The following HADHA variants were observed in gnomAD, a reference collection of about 807,000 sequenced individuals.
The protein encoded by HADHA is hydroxyacyl-CoA dehydrogenase trifunctional multienzyme complex subunit alpha, also known as trifunctional enzyme subunit alpha, mitochondrial.
Under a neutral mutation model 91.3 loss-of-function variants are expected in HADHA, and 59 were observed. The observed-to-expected ratio is 0.65, with a 90% CI of 0.52 to 0.80. The LOEUF (loss-of-function observed/expected upper bound fraction) is 0.80. HADHA is among the 30% of genes least tolerant of loss of function. HADHA has a pLI of 0.00. For missense variants in HADHA, 800 were observed against 927.6 expected, an observed-to-expected ratio of 0.86 and a Z score of 1.79; for synonymous variants, 320 against 338.9, an observed-to-expected ratio of 0.94 and a Z score of 0.61.
chr2:26,233,976 G>T (rs1004047126), intron 5 of HADHA, among the ~76,000 whole-genome samples: 1 of 152,204 alleles, frequency 6.6e-6, no homozygotes, highest in Admixed American at 6.5e-5. Context: ...AGCTACTGGG[G>T]AGGCTGAAGC....
chr2:26,207,822 G>A (rs988690431), intron 11 of HADHA, among the ~76,000 whole-genome samples: 6 of 152,030 alleles, frequency 3.9e-5, no homozygotes, highest in African/African-American at 9.7e-5. Flanking sequence ...GATGGAATGC[G>A]TTATTCATAT....
At chr2:26,194,440 A>T in intron 16 of HADHA, 130 bp downstream of exon 16, 2 of 733,212 alleles carry the variant, frequency 2.7e-6, no homozygotes, top group Non-Finnish European at 5.0e-6. Flanking sequence ...AGAGGGCACC[A>T]GGGACCTTCC....
chr2:26,231,260 C>T (rs988081381), intron 6 of HADHA, among the ~76,000 whole-genome samples: 5 of 152,164 alleles, frequency 3.3e-5, no homozygotes, highest in African/African-American at 9.7e-5. Flanking sequence ...CTTTTGTGCT[C>T]AATTGAGATC....
At position 26,230,185 on chromosome 2, in the gene HADHA, CACTT is replaced by C; in HGVS notation, c.676+3_676+6del. 3 of 1,544,832 alleles carry C rather than the reference CACTT, an allele frequency of 1.9e-6. No homozygotes were observed. The highest frequency in any genetic ancestry group is 2.7e-6 in the Non-Finnish European group (3 of 1,116,944). ...AAGGTCTGACTCTGAGATGTGCTAA[CACTT>C]ACCCAGGGGTTCCACCAGTTGGTCA... On this transcript the variant is annotated splice_donor_5th_base_variant and intron_variant, in intron 7 of 19. Transcript: ENST00000380649.
chr2:26,190,882 T>G lies in HADHA; in HGVS notation c.*368A>C. Reference sequence around the variant, plus strand: ...GAAGGGCAAAGATGCTGACACAGAGTTTGGTTTTTATTGTTATGTGTTTGG... The same window carrying G: ...GAAGGGCAAAGATGCTGACACAGAGGTTGGTTTTTATTGTTATGTGTTTGG... On this transcript the variant is annotated 3_prime_UTR_variant, in exon 20 of 20. Transcript: ENST00000380649. The G allele has an allele frequency of 3.0e-6, 1 of 336,468 alleles. No homozygotes were observed. The highest frequency in any genetic ancestry group is 2.1e-5 in the African/African-American group (1 of 47,602). The allele number at this position is 336,468 out of a possible 1,614,324, so 20.8% of individuals were successfully genotyped here.
intron 13 of HADHA, 150 bp from the exon 14 acceptor site, chr2:26,197,927 G>T (rs1669723399): frequency 2.8e-6 from 2 of 704,666 alleles, no homozygotes; most frequent in Admixed American, 2.0e-5. Flanking sequence ...GACATTGACG[G>T]ATCACCTAGG....
rs549622054 is a variant in HADHA at position 26,224,295 on chromosome 2, G to C, written c.676+5897C>G. Among the ~76,000 whole-genome samples the C allele has an allele frequency of 3.2e-4, 49 of 152,280 alleles. 2 individuals carry two copies. The South Asian group carries it at 5.6e-3, about 17-fold the overall frequency. ...AAACTATCAAAGTAAGTGAATAAAG[G>C]CTCCACTGTTACTTTCCTTTTGGGT... On this transcript the variant is annotated intron_variant, in intron 7 of 19. Transcript: ENST00000380649.
chr2:26,233,030 A>G (rs898461058), intron 5 of HADHA, among the ~76,000 whole-genome samples: 7 of 152,174 alleles, frequency 4.6e-5, no homozygotes, highest in Non-Finnish European at 1.5e-5. Flanking sequence ...CAGGCAATAG[A>G]GGCCAATGGA....
chr2:26,243,843 T>A (rs1670988388), intron 1 of HADHA, among the ~76,000 whole-genome samples: 1 of 152,206 alleles, frequency 6.6e-6, no homozygotes, highest in South Asian at 2.1e-4. Context: ...CTGGGAATCA[T>A]CAGATTACAA....
Position 26,232,218 on chromosome 2 carries a change from G to A in HADHA, c.515C>T (p.Pro172Leu). Residue 172 changes from proline to leucine, a missense_variant, in exon 6 of 20, where the codon CCT becomes CTT. Pro to Leu is a moderately conservative substitution (Grantham distance 98, BLOSUM62 -3). Transcript: ENST00000380649. ...TGGTAAGGCCCCCAGCAAAACTTCA[G>A]GGGTACCTAATACTGTTTTTCTGTC... ...TKDRKTVLGT[P>L]EVLLGALPGA... The A allele has an allele frequency of 6.2e-7, 1 of 1,606,324 alleles. No homozygotes were observed. Among genetic ancestry groups the A allele is most frequent in the Non-Finnish European group, 8.5e-7 (1 of 1,172,936 alleles).
intron 6 of HADHA, 49 bp from the exon 7 acceptor site, chr2:26,230,343 A>C (rs748678666): frequency 9.6e-7 from 1 of 1,040,640 alleles, no homozygotes; most frequent in South Asian, 1.3e-5. Flanking sequence ...AATCAGGGTG[A>C]TAATTATATA....
At chr2:26,212,506 C>T (rs2147768473) in intron 10 of HADHA, 64 bp downstream of exon 10, 3 of 1,127,862 alleles carry the variant, frequency 2.7e-6, no homozygotes, top group East Asian at 2.3e-5. Context: ...CAGCTTTATA[C>T]AGAGGATTGG....
intron 1 of HADHA, among the ~76,000 whole-genome samples, chr2:26,239,985 T>C (rs1670853166): frequency 6.6e-6 from 1 of 152,192 alleles, no homozygotes; most frequent in Non-Finnish European, 1.5e-5. Flanking sequence ...AATAGTATGT[T>C]TCCTGCTTTG....
Position 26,232,025 on chromosome 2 carries a change from G to A in HADHA, c.573+135C>T. Reference sequence around the variant, plus strand: ...TGAAAAAATAAGTACCAGGAATAAAGTCTGTCACTGATCCTGTACACTCAT... The same window carrying A: ...TGAAAAAATAAGTACCAGGAATAAAATCTGTCACTGATCCTGTACACTCAT... On this transcript the variant is annotated intron_variant, in intron 6 of 19. Transcript: ENST00000380649. 3 of 672,246 alleles carry A rather than the reference G, an allele frequency of 4.5e-6. No individual in the cohort carries two copies. The South Asian group carries it at 4.6e-5, about 10-fold the overall frequency. The allele number at this position is 672,246 out of a possible 1,614,324, so 41.6% of individuals were successfully genotyped here.
In HADHA at chr2:26,235,021, C is replaced by G. The variant is rs565478041; in HGVS notation, c.315-666G>C. The G allele has an allele frequency of 1.1e-3, 169 of 152,172 alleles. 1 individual carries two copies. Among genetic ancestry groups the G allele is most frequent in the African/African-American group, 3.9e-3 (162 of 41,480 alleles). The allele number at this position is 152,172 out of a possible 1,614,324, so 9.4% of individuals were successfully genotyped here. On this transcript the variant is annotated intron_variant, in intron 4 of 19. Coordinates refer to ENST00000380649, the MANE Select transcript of HADHA (RefSeq NM_000182.5). Reference sequence around the variant, plus strand: ...GATCCCACTAATGAATAAAAATGACCAGGTAGGCCAGGCATGGTGGCTCAT... The same window carrying G: ...GATCCCACTAATGAATAAAAATGACGAGGTAGGCCAGGCATGGTGGCTCAT...
At position 26,229,930 on chromosome 2, in the gene HADHA, C is replaced by A. The variant is rs111568910; in HGVS notation, c.676+262G>T. 2.6e-5 allele frequency among the ~76,000 whole-genome samples: 4 copies of A among 152,260 alleles called. No individual in the cohort carries two copies. In the South Asian group the frequency reaches 8.3e-4, roughly 32 times the overall value. ...CAACCTCAGCCCCGCCAGGTTCAAG[C>A]GATCCTCCTGCCTCAGCCTCCCAAG... On this transcript the variant is annotated intron_variant, in intron 7 of 19. Coordinates refer to ENST00000380649, the MANE Select transcript of HADHA (RefSeq NM_000182.5). This position sits in a 1 kb window ranked among gnomAD's most constrained non-coding sequence, Gnocchi z 4.3.
chr2:26,196,807 T>A (rs904753842), intron 14 of HADHA, among the ~76,000 whole-genome samples: 1 of 152,300 alleles, frequency 6.6e-6, no homozygotes, highest in Non-Finnish European at 1.5e-5. Flanking sequence ...TGATTTTAGA[T>A]GCCACACAGA....
chr2:26,243,050 CCAAA>C (rs1670944519), intron 1 of HADHA: 2 of 152,270 alleles, frequency 1.3e-5, no homozygotes, highest in African/African-American at 4.8e-5. Flanking sequence ...CGCACCCGGC[CCAAA>C]CAATGTTTAT....
chr2:26,233,124 A>G (rs1360012540), intron 5 of HADHA, among the ~76,000 whole-genome samples: 1 of 152,218 alleles, frequency 6.6e-6, no homozygotes, highest in Non-Finnish European at 1.5e-5. Context: ...TTGATATGAC[A>G]GGAGGCGGAA....
Sources: allele counts gnomAD v4.1 joint callset (sites outside exome capture counted in the v4.1 genomes callset), GRCh38; gene constraint gnomAD v4.1.1; non-coding constraint Gnocchi (gnomAD v3.1); transcripts MANE v1.5; gene names NCBI Gene and HGNC (gene_info 2026-07-23, HGNC 2026-07-21).